Variants in BRCA2 observed in about 807,000 individuals in gnomAD.
BRCA2 encodes BRCA2 DNA repair associated.
In BRCA2, 203 loss-of-function variants were observed where a neutral mutation model predicts 276.7. The ratio of observed to expected loss-of-function variants is 0.73; its 90% CI spans 0.65 to 0.82. The LOEUF is 0.82. Ranked by LOEUF, BRCA2 falls within the 40% of genes least tolerant of loss-of-function variation. BRCA2 has a pLI of 0.00. For missense variants in BRCA2, 3,920 were observed against 3,915.0 expected (o/e 1.00, Z -0.03); for synonymous variants, 1,289 against 1,338.4 (o/e 0.96, Z 0.81).
intron 18 of BRCA2, among the ~76,000 whole-genome samples, chr13:32,365,241 G>C (rs2072773149): frequency 6.7e-6 from 1 of 149,208 alleles, no homozygotes; most frequent in Admixed American, 6.8e-5. Flanking sequence ...GGCTCAAACG[G>C]TCCTCACGCT....
At position 32,346,852 on chromosome 13, in the gene BRCA2, T is replaced by C. The variant is rs1372238130; in HGVS notation, c.6963T>C (p.Phe2321=). The change falls in exon 13 of 27, where the codon TTT becomes TTC. Residue 2321 remains phenylalanine (F), a synonymous_variant. Transcript: ENST00000380152. ...PDGTIKDRRL[F]MHHVSLEPIT... ...GCACAATAAAAGATCGAAGATTGTTTATGCATCATGTTTCTTTAGAGCCGA... is the reference window on the plus strand; with the variant it reads ...GCACAATAAAAGATCGAAGATTGTTCATGCATCATGTTTCTTTAGAGCCGA... The C allele has an allele frequency of 1.2e-6, 2 of 1,609,960 alleles. No individual in the cohort carries two copies.
At chr13:32,365,109 CTTTTTTTTTTTTTTTTT>C (rs57551462) in intron 18 of BRCA2, among the ~76,000 whole-genome samples, 3 of 64,480 alleles carry the variant, frequency 4.7e-5, no homozygotes, top group Non-Finnish European at 8.0e-5. Context: ...GCAGTGCATT[CTTTTTTTTTTTTTTTTT>C]TTTTTTTTTT....
intron 20 of BRCA2, among the ~76,000 whole-genome samples, chr13:32,373,077 C>T (rs543799855): frequency 4.8e-4 from 73 of 151,734 alleles, no homozygotes; most frequent in African/African-American, 1.7e-3. Flanking sequence ...ACTGCAACCT[C>T]CGCCTCCTGT....
intron 24 of BRCA2, among the ~76,000 whole-genome samples, chr13:32,392,761 T>C (rs1362997049): frequency 2.6e-5 from 4 of 152,156 alleles, no homozygotes; most frequent in Admixed American, 6.5e-5. Context: ...GGTATAATTA[T>C]TACCCATACT....
At chr13:32,392,274 T>C (rs898998481) in intron 24 of BRCA2, among the ~76,000 whole-genome samples, 1 of 152,174 alleles carries the variant, frequency 6.6e-6, no homozygotes, top group African/African-American at 2.4e-5. Context: ...CAATAAAGTA[T>C]AAAGAGTAGA....
At chr13:32,366,084 T>C (rs547300933) in intron 18 of BRCA2, among the ~76,000 whole-genome samples, 1 of 152,200 alleles carries the variant, frequency 6.6e-6, no homozygotes, top group South Asian at 2.1e-4. Flanking sequence ...TGTAACAAAA[T>C]ACAAAAAAAG....
At position 32,326,546 on chromosome 13, in the gene BRCA2, G is replaced by A. The variant is rs1387758193; in HGVS notation, c.564G>A (p.Val188=). Residue 188 remains valine, a synonymous_variant, in exon 7 of 27, where the codon GTG becomes GTA. Coordinates refer to ENST00000380152, the MANE Select transcript of BRCA2 (RefSeq NM_000059.4). ...KHISESLGAE[V]DPDMSWSSSL... is the part of the protein sequence containing the mutation. ...TTTCTGAAAGTCTAGGAGCTGAGGT[G>A]GATCCTGATATGTCTTGGTCAAGTT... is the stretch of plus-strand genomic sequence containing the variant. 1 of 1,614,054 alleles carries A rather than the reference G, an allele frequency of 6.2e-7. No individual in the cohort carries two copies. The highest frequency in any genetic ancestry group is 1.1e-5 in the South Asian group (1 of 91,080).
rs1387571590 is a variant in BRCA2 at position 32,371,110 on chromosome 13, G to A, written c.8632+10G>A. On this transcript the variant is annotated intron_variant, in intron 20 of 26. Coordinates refer to ENST00000380152, the MANE Select transcript of BRCA2 (RefSeq NM_000059.4). ...TTTGAAGAACATGAAGGTAAAATTA[G>A]TTATATGGTACACATTGTTATTTCT... 1 of 1,612,432 alleles carries A rather than the reference G, an allele frequency of 6.2e-7. No individual in the cohort carries two copies. Among genetic ancestry groups the A allele is most frequent in the African/African-American group, 1.3e-5 (1 of 74,878 alleles).
chr13:32,382,277 G>A lies in BRCA2; in HGVS notation c.9256+2132G>A, dbSNP rs1221708907. ...AGTCATACAGGGGACATTTAAAGCCGTGAGACTGGATGAGGTCACTGTGGG... is the reference window on the plus strand; with the variant it reads ...AGTCATACAGGGGACATTTAAAGCCATGAGACTGGATGAGGTCACTGTGGG... On this transcript the variant is annotated intron_variant, in intron 24 of 26. Transcript: ENST00000380152. Among the ~76,000 whole-genome samples the A allele has an allele frequency of 4.6e-5, 7 of 152,218 alleles. 1 individual carries two copies. The highest frequency in any genetic ancestry group is 1.3e-4 in the Admixed American group (2 of 15,280).
chr13:32,379,675 T>C (rs951070758), intron 22 of BRCA2, 75 bp from the exon 23 acceptor site: 40 of 1,548,560 alleles, frequency 2.6e-5, no homozygotes, highest in Middle Eastern at 1.8e-4. Flanking sequence ...AAAGAGGATC[T>C]GTATTTATTT....
chr13:32,392,536 C>A (rs2073004066), intron 24 of BRCA2, among the ~76,000 whole-genome samples: 1 of 150,878 alleles, frequency 6.6e-6, no homozygotes, highest in Non-Finnish European at 1.5e-5. Context: ...GCTGCGGTGA[C>A]CCAAGATTGC....
intron 24 of BRCA2, among the ~76,000 whole-genome samples, chr13:32,389,641 T>G (rs2072983701): frequency 6.6e-6 from 1 of 152,256 alleles, no homozygotes; most frequent in South Asian, 2.1e-4. Flanking sequence ...AAATCTGTCA[T>G]CATTCCAATT....
At chr13:32,321,771 A>G (rs959006596) in intron 3 of BRCA2, among the ~76,000 whole-genome samples, 1 of 152,172 alleles carries the variant, frequency 6.6e-6, no homozygotes, top group South Asian at 2.1e-4. Flanking sequence ...AATTATTCCT[A>G]AAGTTCTATG....
At chr13:32,359,222 GAAAAAAAAAAA>G (rs67041705) in intron 16 of BRCA2, among the ~76,000 whole-genome samples, 3 of 107,430 alleles carry the variant, frequency 2.8e-5, no homozygotes, top group South Asian at 6.1e-4. Context: ...TCCATCTCAA[GAAAAAAAAAAA>G]AAAAAAAAAA....
chr13:32,373,002 T>G (rs1435070160), intron 20 of BRCA2, among the ~76,000 whole-genome samples: 3 of 151,636 alleles, frequency 2.0e-5, no homozygotes, highest in African/African-American at 7.3e-5. Flanking sequence ...GAATCTTTTT[T>G]TTTTTTTTGA....
chr13:32,354,759 T>C, intron 13 of BRCA2, 102 bp from the exon 14 acceptor site: 1 of 834,120 alleles, frequency 1.2e-6, no homozygotes, highest in Non-Finnish European at 2.0e-6. Flanking sequence ...GTTACCAGAA[T>C]AGTATCACCA....
intron 18 of BRCA2, among the ~76,000 whole-genome samples, chr13:32,365,673 C>T (rs1274508188): frequency 1.3e-5 from 2 of 150,526 alleles, no homozygotes; most frequent in Non-Finnish European, 3.0e-5. Context: ...CCACCACGCC[C>T]AGCCTGTTTT....
At chr13:32,329,599 T>C in intron 8 of BRCA2, 107 bp downstream of exon 8, 1 of 935,936 alleles carries the variant, frequency 1.1e-6, no homozygotes, top group Non-Finnish European at 1.7e-6. Flanking sequence ...GTAATTTATC[T>C]AAGCCTTTGA....
chr13:32,384,908 A>C (rs1200887904), intron 24 of BRCA2: 1 of 323,574 alleles, frequency 3.1e-6, no homozygotes, highest in East Asian at 6.4e-5. Context: ...TGAAGACTTA[A>C]TCCAGAAAGA....
Sources: allele counts gnomAD v4.1 joint callset (sites outside exome capture counted in the v4.1 genomes callset), GRCh38; gene constraint gnomAD v4.1.1; transcripts MANE v1.5; gene names NCBI Gene and HGNC (gene_info 2026-07-23, HGNC 2026-07-21).